SPOCK1: variants seen among roughly 807,000 people sequenced by gnomAD.
The protein encoded by SPOCK1 is SPARC (osteonectin), cwcv and kazal like domains proteoglycan 1, also known as testican-1.
In SPOCK1, 23 loss-of-function variants were observed where a neutral mutation model predicts 55.3. The observed-to-expected ratio is 0.42, with a 90% CI of 0.30 to 0.59. The LOEUF is 0.59. SPOCK1 is among the 20% of genes least tolerant of loss of function. The pLI is 0.22. For missense variants in SPOCK1, 499 were observed against 552.5 expected, an observed-to-expected ratio of 0.90 and a Z score of 0.97; for synonymous variants, 226 against 221.0, an observed-to-expected ratio of 1.02 and a Z score of -0.20.
At chr5:137,413,723 T>C (rs1490955314) in intron 2 of SPOCK1, among the ~76,000 whole-genome samples, 1 of 152,224 alleles carries the variant, frequency 6.6e-6, no homozygotes, top group Admixed American at 6.5e-5. Context: ...GTCACAACTC[T>C]ATTTGGAAGG....
chr5:137,378,310 G>A (rs1002121509), intron 2 of SPOCK1, among the ~76,000 whole-genome samples: 2 of 152,218 alleles, frequency 1.3e-5, no homozygotes, highest in African/African-American at 4.8e-5. Context: ...AGATGCTTGA[G>A]TTCTCACAGC....
chr5:137,170,680 C>A (rs1286888664), intron 3 of SPOCK1, among the ~76,000 whole-genome samples: 1 of 151,722 alleles, frequency 6.6e-6, no homozygotes, highest in Non-Finnish European at 1.5e-5. Flanking sequence ...TGCCTGCAAG[C>A]CAGGAAGAGG....
At chr5:137,301,404 C>A (rs146927737) in intron 2 of SPOCK1, among the ~76,000 whole-genome samples, 1 of 152,134 alleles carries the variant, frequency 6.6e-6, no homozygotes, top group Non-Finnish European at 1.5e-5. Context: ...TATTTTTGGG[C>A]AGGATGCAGG....
At chr5:137,160,600 T>TATATA (rs1754524247) in intron 3 of SPOCK1, among the ~76,000 whole-genome samples, 1 of 58,794 alleles carries the variant, frequency 1.7e-5, no homozygotes, top group Non-Finnish European at 2.9e-5. Flanking sequence ...TATAATATAT[T>TATATA]ATATATAATA....
At chr5:137,073,492 C>T (rs1196982167) in intron 5 of SPOCK1, among the ~76,000 whole-genome samples, 5 of 152,068 alleles carry the variant, frequency 3.3e-5, no homozygotes, top group South Asian at 2.1e-4. Flanking sequence ...ATGAGGAGAG[C>T]GGGAAGGACC....
At chr5:137,417,791 T>A (rs1056823013) in intron 2 of SPOCK1, among the ~76,000 whole-genome samples, 19 of 152,142 alleles carry the variant, frequency 1.2e-4, no homozygotes, top group African/African-American at 4.6e-4. Context: ...TCTTTATTAG[T>A]CAGTTTTTAT....
intron 3 of SPOCK1, among the ~76,000 whole-genome samples, chr5:137,227,735 G>A (rs1178564806): frequency 6.6e-6 from 1 of 152,182 alleles, no homozygotes; most frequent in Admixed American, 6.5e-5. Flanking sequence ...ACAAAGATGA[G>A]GGCAAGTTAT....
chr5:137,447,060 C>A (rs931997895), intron 2 of SPOCK1, among the ~76,000 whole-genome samples: 1 of 152,206 alleles, frequency 6.6e-6, no homozygotes, highest in African/African-American at 2.4e-5. Flanking sequence ...TCCATCAGTG[C>A]ACTCTTGGAT....
At chr5:137,404,238 G>A (rs898140098) in intron 2 of SPOCK1, among the ~76,000 whole-genome samples, 5 of 152,202 alleles carry the variant, frequency 3.3e-5, no homozygotes, top group Non-Finnish European at 4.4e-5. Flanking sequence ...CACCAGCCCC[G>A]TCAGAAGGGG....
chr5:137,011,577 T>C (rs1211707130), intron 6 of SPOCK1, among the ~76,000 whole-genome samples: 1 of 152,162 alleles, frequency 6.6e-6, no homozygotes, highest in Non-Finnish European at 1.5e-5. Context: ...GGTTAAAACA[T>C]CCCTGAAATT....
intron 5 of SPOCK1, among the ~76,000 whole-genome samples, chr5:137,092,889 G>A (rs1419669096): frequency 6.6e-6 from 1 of 152,164 alleles, no homozygotes; most frequent in Non-Finnish European, 1.5e-5. Flanking sequence ...GGTTGAGGGG[G>A]CTTATCTGCT....
chr5:137,303,713 G>C (rs1757646623), intron 2 of SPOCK1, among the ~76,000 whole-genome samples: 1 of 152,202 alleles, frequency 6.6e-6, no homozygotes, highest in South Asian at 2.1e-4. Flanking sequence ...GGTTTGGTTT[G>C]GTTCCTAGGG....
chr5:137,021,551 A>T (rs989708125), intron 6 of SPOCK1, among the ~76,000 whole-genome samples: 8 of 152,202 alleles, frequency 5.3e-5, no homozygotes, highest in African/African-American at 1.7e-4. Context: ...TTAAAAAATT[A>T]CCTATTTTAT....
rs116254201 is a variant in SPOCK1 at position 137,010,527 on chromosome 5, G to A, written c.590-17927C>T. On this transcript the variant is annotated intron_variant, in intron 6 of 10. Coordinates refer to ENST00000394945, the MANE Select transcript of SPOCK1 (RefSeq NM_004598.4). ...GTGAAGCCTCAGGATGTCCTGGGAGGGTGACACTATCATCTCTACTACATA... is the reference window on the plus strand; with the variant it reads ...GTGAAGCCTCAGGATGTCCTGGGAGAGTGACACTATCATCTCTACTACATA... 3.6e-3 allele frequency among the ~76,000 whole-genome samples: 545 copies of A among 152,020 alleles called. 7 individuals are homozygous for A. Among genetic ancestry groups the A allele is most frequent in the African/African-American group, 0.012 (510 of 41,440 alleles).
At chr5:137,426,311 G>A (rs1036455338) in intron 2 of SPOCK1, among the ~76,000 whole-genome samples, 1 of 152,192 alleles carries the variant, frequency 6.6e-6, no homozygotes, top group African/African-American at 2.4e-5. Flanking sequence ...TTGGTGATAA[G>A]ATTATCAACT....
At chr5:137,003,947 G>A (rs1249639114) in intron 6 of SPOCK1, among the ~76,000 whole-genome samples, 1 of 152,102 alleles carries the variant, frequency 6.6e-6, no homozygotes, top group Non-Finnish European at 1.5e-5. Context: ...AGATTACATG[G>A]GGAGGATCAG....
intron 8 of SPOCK1, among the ~76,000 whole-genome samples, chr5:136,986,482 G>A (rs1168597121): frequency 6.6e-6 from 1 of 152,094 alleles, no homozygotes. Flanking sequence ...TCTTAACATT[G>A]ATTTTAGGTA....
At chr5:137,020,997 T>C (rs1337318524) in intron 6 of SPOCK1, among the ~76,000 whole-genome samples, 1 of 152,162 alleles carries the variant, frequency 6.6e-6, no homozygotes, top group Non-Finnish European at 1.5e-5. Context: ...TTGCCATTTC[T>C]TATAAAGTTG....
chr5:137,412,803 G>T (rs554617795), intron 2 of SPOCK1, among the ~76,000 whole-genome samples: 1 of 152,254 alleles, frequency 6.6e-6, no homozygotes, highest in South Asian at 2.1e-4. Flanking sequence ...AATAAATAAA[G>T]CAAAATAAAT....
Sources: allele counts gnomAD v4.1 joint callset (sites outside exome capture counted in the v4.1 genomes callset), GRCh38; gene constraint gnomAD v4.1.1; transcripts MANE v1.5; gene names NCBI Gene and HGNC (gene_info 2026-07-23, HGNC 2026-07-21).